PRDM6: variants seen among roughly 807,000 people sequenced by gnomAD.
PRDM6 encodes the protein putative histone-lysine N-methyltransferase PRDM6.
A neutral mutation model predicts 60.8 loss-of-function variants in PRDM6; 25 were observed. That is an observed-to-expected ratio of 0.41 (90% CI 0.30 to 0.57). The LOEUF is 0.57. Ranked by LOEUF, PRDM6 falls within the 20% of genes least tolerant of loss-of-function variation. PRDM6 has a pLI of 0.27. For synonymous variants in PRDM6, 407 were observed against 357.4 expected (o/e 1.14, Z -1.57); for missense variants, 839 against 821.3 (o/e 1.02, Z -0.26).
chr5:123,089,330 A>C lies in PRDM6; in HGVS notation c.-205A>C, dbSNP rs1763746033. 1 of 152,242 alleles carries C rather than the reference A, an allele frequency of 6.6e-6. No individual in the cohort carries two copies. Among genetic ancestry groups the C allele is most frequent in the Non-Finnish European group, 1.5e-5 (1 of 68,078 alleles). The allele number at this position is 152,242 out of a possible 1,614,324, so 9.4% of individuals were successfully genotyped here. ...GAGTCGGGCGCCCAGGTCCGTCCGCACTCTCGCGCCCTCCGCGGGCCTCCC... is the reference window on the plus strand; with the variant it reads ...GAGTCGGGCGCCCAGGTCCGTCCGCCCTCTCGCGCCCTCCGCGGGCCTCCC... On this transcript the variant is annotated 5_prime_UTR_variant, in exon 1 of 8. Transcript: ENST00000407847.
chr5:123,109,658 A>G (rs942760913), intron 3 of PRDM6, among the ~76,000 whole-genome samples: 2 of 152,214 alleles, frequency 1.3e-5, no homozygotes, highest in Non-Finnish European at 2.9e-5. Flanking sequence ...ACCCCATTGG[A>G]TGGCTCTCAT....
At position 123,090,064 on chromosome 5, in the gene PRDM6, C is replaced by A; in HGVS notation, c.50C>A (p.Pro17Gln). Reference sequence around the variant, plus strand: ...GGTTCGGCCTTCCTCAAAGTGGACCCAGCCTACCTGCAGCACTGGCAGCAA... The same window carrying A: ...GGTTCGGCCTTCCTCAAAGTGGACCAAGCCTACCTGCAGCACTGGCAGCAA... ...PGGSAFLKVD[P>Q]AYLQHWQQLF... Residue 17 changes from proline (P) to glutamine (Q), a missense_variant, in exon 2 of 8, where the codon CCA becomes CAA. Pro to Gln is a moderately conservative substitution (Grantham distance 76, BLOSUM62 -1). Coordinates refer to ENST00000407847, the MANE Select transcript of PRDM6 (RefSeq NM_001136239.4). 2 of 1,548,468 alleles carry A rather than the reference C, an allele frequency of 1.3e-6. No individual in the cohort carries two copies. The highest frequency in any genetic ancestry group is 1.7e-6 in the Non-Finnish European group (2 of 1,146,104).
chr5:123,149,453 T>C (rs1377686142), intron 3 of PRDM6, among the ~76,000 whole-genome samples: 2 of 152,170 alleles, frequency 1.3e-5, no homozygotes, highest in Admixed American at 6.5e-5. Flanking sequence ...AGCAATCCTA[T>C]ATGGTAGGTG....
At chr5:123,110,572 T>C (rs55753928) in intron 3 of PRDM6, among the ~76,000 whole-genome samples, 3,541 of 148,284 alleles carry the variant, frequency 0.024, 148 homozygotes, top group African/African-American at 0.084. Context: ...TTTTTTCTTT[T>C]TTTTTTTTTT....
Position 123,099,536 on chromosome 5 carries a change from A to T in PRDM6, c.593-118A>T. On this transcript the variant is annotated intron_variant, in intron 2 of 7. Coordinates refer to ENST00000407847, the MANE Select transcript of PRDM6 (RefSeq NM_001136239.4). The surrounding 1 kb of genome is among the most constrained non-coding windows in gnomAD (Gnocchi z 4.0). ...GCCCCCAAGGCATCACCTTCCTCGA[A>T]GGTGGCTTACCCAGGCGGGCGGTGA... is the stretch of plus-strand genomic sequence containing the variant. 1.1e-6 allele frequency: 1 copy of T among 913,842 alleles called. No homozygotes were observed. Among genetic ancestry groups the T allele is most frequent in the Non-Finnish European group, 1.6e-6 (1 of 639,636 alleles). 56.6% of individuals were successfully genotyped at this position (913,842 alleles called of 1,614,324 possible). A position where few individuals can be genotyped will look rare whatever the true frequency, so the allele number is the denominator to read the frequency against.
At chr5:123,182,600 A>G (rs771195624) in intron 7 of PRDM6, among the ~76,000 whole-genome samples, 2 of 152,102 alleles carry the variant, frequency 1.3e-5, no homozygotes, top group African/African-American at 4.8e-5. Flanking sequence ...CATGTTTCCA[A>G]TAGAGTTGCC....
chr5:123,147,279 A>AGAGAGAGAGAGAGAGAGAGAGAGAGAGAG (rs1561853112), intron 3 of PRDM6, among the ~76,000 whole-genome samples: 1 of 147,484 alleles, frequency 6.8e-6, no homozygotes, highest in African/African-American at 2.5e-5. Context: ...TGATACTAAA[A>AGAGAGAGAGAGAGAGAGAGAGAGAGAGAG]AGAGAGAGAG....
chr5:123,168,479 T>G (rs1765810866), intron 5 of PRDM6, among the ~76,000 whole-genome samples: 1 of 152,216 alleles, frequency 6.6e-6, no homozygotes, highest in Admixed American at 6.5e-5. Flanking sequence ...CAGGGTAAGT[T>G]ACTGGACCTT....
intron 3 of PRDM6, among the ~76,000 whole-genome samples, chr5:123,126,992 C>A (rs557222583): frequency 1.3e-5 from 2 of 152,126 alleles, no homozygotes; most frequent in Admixed American, 1.3e-4. Flanking sequence ...TCCAGGAAAA[C>A]CCTGGCTCCC....
chr5:123,111,162 A>T (rs1301793801), intron 3 of PRDM6, among the ~76,000 whole-genome samples: 1 of 152,230 alleles, frequency 6.6e-6, no homozygotes, highest in Non-Finnish European at 1.5e-5. Context: ...TAAACTGTAC[A>T]TTTAAAAATA....
At chr5:123,118,305 G>T (rs1764504092) in intron 3 of PRDM6, among the ~76,000 whole-genome samples, 1 of 152,220 alleles carries the variant, frequency 6.6e-6, no homozygotes, top group South Asian at 2.1e-4. Context: ...TTGACTTGGA[G>T]TGTGGCTGTC....
At chr5:123,105,063 T>C (rs1261343440) in intron 3 of PRDM6, among the ~76,000 whole-genome samples, 2 of 152,254 alleles carry the variant, frequency 1.3e-5, no homozygotes, top group Non-Finnish European at 2.9e-5. Flanking sequence ...ACTACAGTGC[T>C]TTAGCTGCAA....
chr5:123,140,712 G>A (rs1765077724), intron 3 of PRDM6, among the ~76,000 whole-genome samples: 1 of 152,094 alleles, frequency 6.6e-6, no homozygotes, highest in African/African-American at 2.4e-5. Flanking sequence ...TTGTTACAAA[G>A]TAAATGTCTG....
At chr5:123,178,949 G>A (rs1218852094) in intron 6 of PRDM6, among the ~76,000 whole-genome samples, 1 of 152,198 alleles carries the variant, frequency 6.6e-6, no homozygotes, top group African/African-American at 2.4e-5. Context: ...TCTGAGTGCA[G>A]CCAGAAATGT....
intron 7 of PRDM6, among the ~76,000 whole-genome samples, chr5:123,186,639 A>T (rs1580547865): frequency 5.3e-5 from 8 of 152,326 alleles, no homozygotes; most frequent in Admixed American, 4.6e-4. Flanking sequence ...AAATTCCAAG[A>T]TGTACACTCT....
chr5:123,126,376 C>T (rs1764695072), intron 3 of PRDM6, among the ~76,000 whole-genome samples: 1 of 151,642 alleles, frequency 6.6e-6, no homozygotes, highest in Non-Finnish European at 1.5e-5. Flanking sequence ...AGTCTGGGCT[C>T]TGATGCACCA....
chr5:123,113,356 C>T (rs1764360363), intron 3 of PRDM6, among the ~76,000 whole-genome samples: 1 of 152,154 alleles, frequency 6.6e-6, no homozygotes, highest in African/African-American at 2.4e-5. Flanking sequence ...TTCTCTTTAT[C>T]TGATTGCAAT....
chr5:123,177,839 A>G (rs1766051278), intron 6 of PRDM6, among the ~76,000 whole-genome samples: 1 of 152,194 alleles, frequency 6.6e-6, no homozygotes, highest in Admixed American at 6.5e-5. Context: ...AAGACAGGTC[A>G]GGGAAGTTGA....
At chr5:123,134,595 T>A (rs413766) in intron 3 of PRDM6, among the ~76,000 whole-genome samples, 46,977 of 151,762 alleles carry the variant, frequency 0.31, 7,633 homozygotes, top group Middle Eastern at 0.37. Context: ...GGGCATTTTT[T>A]AATTTAATCT....
Sources: allele counts gnomAD v4.1 joint callset (sites outside exome capture counted in the v4.1 genomes callset), GRCh38; gene constraint gnomAD v4.1.1; non-coding constraint Gnocchi (gnomAD v3.1); transcripts MANE v1.5; gene names NCBI Gene and HGNC (gene_info 2026-07-23, HGNC 2026-07-21).